Variants in MCAT observed in about 807,000 individuals in gnomAD.
MCAT encodes malonyl-CoA-acyl carrier protein transacylase, mitochondrial.
A neutral mutation model predicts 22.9 loss-of-function variants in MCAT; 22 were observed. The observed-to-expected ratio is 0.96, with a 90% confidence interval of 0.69 to 1.37. The LOEUF (loss-of-function observed/expected upper bound fraction) is 1.37. Among genes scored for constraint, MCAT ranks in the 40% most tolerant of loss-of-function variants. The pLI is 0.00. For missense variants in MCAT, 534 were observed against 533.6 expected (o/e 1.00, Z -0.01); for synonymous variants, 240 against 233.9 (o/e 1.03, Z -0.24).
At chr22:43,133,531 C>T (rs750434424) in intron 3 of MCAT, 45 bp from the exon 4 acceptor site, 10 of 1,495,914 alleles carry the variant, frequency 6.7e-6, no homozygotes, top group South Asian at 2.5e-5. Flanking sequence ...CCCAGAAATC[C>T]GCCTTTACAG....
Position 43,143,088 on chromosome 22 carries a change from G to C in MCAT, c.261C>G (p.Val87=). Residue 87 remains valine (V), a synonymous_variant, in exon 1 of 4, where the codon GTC becomes GTG. Transcript: ENST00000290429. ...GGCGGGCGGCGGCGTAGAGTTCGCGGACGCGCGGGTAGTTGAGCAGACCGC... is the reference window on the plus strand; with the variant it reads ...GGCGGGCGGCGGCGTAGAGTTCGCGCACGCGCGGGTAGTTGAGCAGACCGC... ...MGRGLLNYPR[V]RELYAAARRV... 6.2e-7 allele frequency: 1 copy of C among 1,607,230 alleles called. No homozygotes were observed. Among genetic ancestry groups the C allele is most frequent in the Non-Finnish European group, 8.5e-7 (1 of 1,179,116 alleles).
intron 1 of MCAT, among the ~76,000 whole-genome samples, chr22:43,141,683 T>C (rs1023645913): frequency 6.6e-6 from 1 of 152,190 alleles, no homozygotes; most frequent in Non-Finnish European, 1.5e-5. Flanking sequence ...GCAATTCTCC[T>C]GCCTCAGCCT....
intron 1 of MCAT, among the ~76,000 whole-genome samples, chr22:43,142,270 T>C (rs1465087566): frequency 6.6e-6 from 1 of 152,234 alleles, no homozygotes; most frequent in Admixed American, 6.5e-5. Context: ...GGCTCATACC[T>C]GTAATCCTAG....
At chr22:43,133,779 T>C (rs1351696661) in intron 3 of MCAT, among the ~76,000 whole-genome samples, 1 of 151,846 alleles carries the variant, frequency 6.6e-6, no homozygotes, top group African/African-American at 2.4e-5. Flanking sequence ...ACGCACTATC[T>C]AAGAAGTGTT....
At chr22:43,136,641 T>C (rs1319879427) in intron 3 of MCAT, among the ~76,000 whole-genome samples, 1 of 151,992 alleles carries the variant, frequency 6.6e-6, no homozygotes, top group Non-Finnish European at 1.5e-5. Context: ...TTTGGGGAAG[T>C]AGCAAATGGA....
At position 43,143,231 on chromosome 22, in the gene MCAT, G is replaced by T. The variant is rs901576092; in HGVS notation, c.118C>A (p.Arg40=). 7 of 1,513,358 alleles carry T rather than the reference G, an allele frequency of 4.6e-6. No homozygotes were observed. Among genetic ancestry groups the T allele is most frequent in the Non-Finnish European group, 5.3e-6 (6 of 1,140,836 alleles). The allele number at this position is 1,513,358 out of a possible 1,614,324, so 93.7% of individuals were successfully genotyped here. A position where few individuals can be genotyped will look rare whatever the true frequency, so the allele number is the denominator to read the frequency against. The change falls in exon 1 of 4, where the codon CGA becomes AGA. Residue 40 remains arginine, a synonymous_variant. Coordinates refer to ENST00000290429, the MANE Select transcript of MCAT (RefSeq NM_173467.5). ...PGAQGVAELL[R]DATGAEEEAP... is the part of the protein sequence containing the mutation. ...TCCTCCTCCGCCCCGGTCGCATCTC[G>T]CAGCAGCTCCGCTACACCCTGGGCG...
chr22:43,141,830 G>C (rs540193172), intron 1 of MCAT, among the ~76,000 whole-genome samples: 1 of 152,306 alleles, frequency 6.6e-6, no homozygotes, highest in Admixed American at 6.5e-5. Flanking sequence ...TCAGCCTCCT[G>C]AAGTGCTGGA....
chr22:43,135,544 C>A (rs537129291), intron 3 of MCAT, among the ~76,000 whole-genome samples: 1 of 149,934 alleles, frequency 6.7e-6, no homozygotes, highest in Non-Finnish European at 1.5e-5. Flanking sequence ...AAAGGATGAA[C>A]CTAGGAGTTG....
chr22:43,135,074 A>G (rs1287622807), intron 3 of MCAT, among the ~76,000 whole-genome samples: 1 of 152,194 alleles, frequency 6.6e-6, no homozygotes, highest in Admixed American at 6.5e-5. Flanking sequence ...TCTCCTCTCC[A>G]ATGGCCAGTC....
chr22:43,142,540 A>C (rs1161418152), intron 1 of MCAT, among the ~76,000 whole-genome samples: 2 of 151,948 alleles, frequency 1.3e-5, no homozygotes, highest in East Asian at 3.9e-4. Flanking sequence ...TAATCCCAGC[A>C]CTTTGGGAGG....
At position 43,132,866 on chromosome 22, in the gene MCAT, G is replaced by A; in HGVS notation, c.*177C>T. 1.6e-6 allele frequency: 1 copy of A among 608,056 alleles called. No individual in the cohort carries two copies. Among genetic ancestry groups the A allele is most frequent in the Non-Finnish European group, 2.9e-6 (1 of 345,216 alleles). 37.7% of individuals were successfully genotyped at this position (608,056 alleles called of 1,614,324 possible). A position where few individuals can be genotyped will look rare whatever the true frequency, so the allele number is the denominator to read the frequency against. ...TTTCCAAGGGGGAGAAATGGACTGG[G>A]TCATGTAAAGAAATACTCATTTTTA... On this transcript the variant is annotated 3_prime_UTR_variant, in exon 4 of 4. Coordinates refer to ENST00000290429, the MANE Select transcript of MCAT (RefSeq NM_173467.5).
At chr22:43,137,029 C>A in intron 3 of MCAT, 52 bp downstream of exon 3, 1 of 1,521,716 alleles carries the variant, frequency 6.6e-7, no homozygotes, top group South Asian at 1.1e-5. Context: ...TGGAGCAGTT[C>A]CAACCCTCCG....
chr22:43,135,155 C>A (rs12627867), intron 3 of MCAT, among the ~76,000 whole-genome samples: 2 of 152,200 alleles, frequency 1.3e-5, no homozygotes, highest in African/African-American at 4.8e-5. Flanking sequence ...GGGCTTCCCC[C>A]CTGAGGGGGT....
At chr22:43,134,350 G>A (rs1930544275) in intron 3 of MCAT, among the ~76,000 whole-genome samples, 1 of 152,042 alleles carries the variant, frequency 6.6e-6, no homozygotes, top group African/African-American at 2.4e-5. Context: ...ACTTGCAAAG[G>A]TCTTTATTAT....
rs1462024703 is a variant in MCAT at position 43,132,755 on chromosome 22, G to A, written c.*288C>T. The stretch of plus-strand genomic sequence containing the variant: ...CGCTGAGATGGCACACCTGCCTATG[G>A]TGCAGGGCTGGCAGAGGCGGGGCCA... On this transcript the variant is annotated 3_prime_UTR_variant, in exon 4 of 4. Transcript: ENST00000290429. The A allele has an allele frequency of 2.8e-5, 12 of 436,258 alleles. No homozygotes were observed. The highest frequency in any genetic ancestry group is 2.7e-4 in the South Asian group (11 of 40,276). The allele number at this position is 436,258 out of a possible 1,614,324, so 27.0% of individuals were successfully genotyped here.
Position 43,135,510 on chromosome 22 carries a change from CAA to C in MCAT, c.729+1569_729+1570del, listed in dbSNP as rs1300123609. 1.8e-4 allele frequency among the ~76,000 whole-genome samples: 14 copies of C among 76,380 alleles called. No individual in the cohort carries two copies. In the South Asian group the frequency reaches 1.9e-3, roughly 10 times the overall value. 50.1% of individuals were successfully genotyped at this position (76,380 alleles called of 152,430 possible). The stretch of plus-strand genomic sequence containing the variant: ...CAGAGTAAGACATTGTCTCAAAAAA[CAA>C]AAAAAAAAAAAAAAAAAATCAAAAG... On this transcript the variant is annotated intron_variant, in intron 3 of 3. Coordinates refer to ENST00000290429, the MANE Select transcript of MCAT (RefSeq NM_173467.5).
intron 1 of MCAT, 86 bp downstream of exon 1, chr22:43,142,840 G>T: frequency 7.5e-7 from 1 of 1,333,034 alleles, no homozygotes; most frequent in Non-Finnish European, 9.8e-7. Context: ...GGGAGCCCCC[G>T]GAATGGCAGG....
rs774253400 is a variant in MCAT, at chr22:43,132,978, C to A, written c.*65G>T. The A allele has an allele frequency of 1.4e-4, 201 of 1,483,096 alleles. 1 individual carries two copies. The highest frequency in any genetic ancestry group is 1.8e-4 in the Non-Finnish European group (196 of 1,087,254). The allele number at this position is 1,483,096 out of a possible 1,614,324, so 91.9% of individuals were successfully genotyped here. Reference sequence around the variant, plus strand: ...GAGCCATTAGGAAGGTAGGGGGCGACAGGCACAGCCTACAGCCTCTCCTCA... The same window carrying A: ...GAGCCATTAGGAAGGTAGGGGGCGAAAGGCACAGCCTACAGCCTCTCCTCA... On this transcript the variant is annotated 3_prime_UTR_variant, in exon 4 of 4. Coordinates refer to ENST00000290429, the MANE Select transcript of MCAT (RefSeq NM_173467.5).
At chr22:43,134,297 G>C (rs984077802) in intron 3 of MCAT, among the ~76,000 whole-genome samples, 1 of 152,154 alleles carries the variant, frequency 6.6e-6, no homozygotes, top group African/African-American at 2.4e-5. Context: ...CCTCGGGCGA[G>C]CCAATAGCTC....
Sources: allele counts gnomAD v4.1 joint callset (sites outside exome capture counted in the v4.1 genomes callset), GRCh38; gene constraint gnomAD v4.1.1; transcripts MANE v1.5; gene names NCBI Gene and HGNC (gene_info 2026-07-23, HGNC 2026-07-21).